ANTXR1: variants seen among roughly 807,000 people sequenced by gnomAD.
ANTXR1 encodes the protein anthrax toxin receptor 1.
A neutral mutation model predicts 78.1 loss-of-function variants in ANTXR1; 19 were observed. The observed-to-expected ratio is 0.24, with a 90% CI of 0.17 to 0.36. The LOEUF (loss-of-function observed/expected upper bound fraction) is 0.36. Among genes scored for constraint, ANTXR1 ranks in the 10% least tolerant of loss-of-function variants. The probability of loss-of-function intolerance (pLI) is 1.00; values close to 1 mark genes in which losing one functional copy is unlikely to be tolerated. For synonymous variants in ANTXR1, 273 were observed against 260.5 expected (o/e 1.05, Z -0.46); for missense variants, 518 against 718.6 (o/e 0.72, Z 3.19).
chr2:69,078,320 G>A (rs1251140836), intron 8 of ANTXR1, among the ~76,000 whole-genome samples: 1 of 152,220 alleles, frequency 6.6e-6, no homozygotes, highest in East Asian at 1.9e-4. Flanking sequence ...TGATCAGGCA[G>A]GCATCTGTGA....
At position 69,095,986 on chromosome 2, in the gene ANTXR1, C is replaced by T. The variant is rs59144672; in HGVS notation, c.703+5067C>T. ...CATCAAAAAGAATTCCAGCCGGGCA[C>T]GGTGGCTCACGCCTGTAATCCCAGC... On this transcript the variant is annotated intron_variant, in intron 9 of 17. Transcript: ENST00000303714. 3.0e-3 allele frequency among the ~76,000 whole-genome samples: 459 copies of T among 152,046 alleles called. 1 individual carries two copies. Among genetic ancestry groups the T allele is most frequent in the African/African-American group, 0.011 (439 of 41,452 alleles).
intron 3 of ANTXR1, among the ~76,000 whole-genome samples, chr2:69,059,562 T>A (rs1054622019): frequency 1.1e-4 from 16 of 152,092 alleles, no homozygotes; most frequent in African/African-American, 3.9e-4. Flanking sequence ...CACTGCAACC[T>A]CCGTCTCCCT....
At chr2:69,200,724 C>G (rs1558641277) in intron 17 of ANTXR1, among the ~76,000 whole-genome samples, 1 of 152,192 alleles carries the variant, frequency 6.6e-6, no homozygotes, top group East Asian at 1.9e-4. Flanking sequence ...TAGCAGAGGA[C>G]TAAACTCTGG....
intron 17 of ANTXR1, among the ~76,000 whole-genome samples, chr2:69,222,458 T>C (rs1198830566): frequency 1.3e-5 from 2 of 152,226 alleles, no homozygotes; most frequent in African/African-American, 4.8e-5. Flanking sequence ...ATTGTCTCCA[T>C]CTGCCCCCAC....
At chr2:69,209,626 C>G (rs1674990040) in intron 17 of ANTXR1, among the ~76,000 whole-genome samples, 1 of 152,190 alleles carries the variant, frequency 6.6e-6, no homozygotes. Flanking sequence ...AAAGCCCTCT[C>G]TAAAGAGGCG....
At chr2:69,182,746 A>G in intron 16 of ANTXR1, 86 bp downstream of exon 16, 1 of 1,574,594 alleles carries the variant, frequency 6.4e-7, no homozygotes, top group Non-Finnish European at 8.7e-7. Context: ...ACATGATAAA[A>G]TCCCAACCTA....
chr2:69,025,894 G>C (rs1343093429), intron 1 of ANTXR1, among the ~76,000 whole-genome samples: 1 of 152,162 alleles, frequency 6.6e-6, no homozygotes, highest in Non-Finnish European at 1.5e-5. Context: ...TGGTCATCCT[G>C]ATTATTAACT....
At chr2:69,167,988 T>A (rs1376905027) in intron 13 of ANTXR1, among the ~76,000 whole-genome samples, 1 of 152,224 alleles carries the variant, frequency 6.6e-6, no homozygotes, top group Non-Finnish European at 1.5e-5. Context: ...GTCTGAGTGT[T>A]GGGCCACCTA....
At chr2:69,064,968 A>T (rs1002456678) in intron 3 of ANTXR1, among the ~76,000 whole-genome samples, 4 of 152,228 alleles carry the variant, frequency 2.6e-5, no homozygotes, top group Non-Finnish European at 5.9e-5. Flanking sequence ...GAAAAAGTAA[A>T]AAGAACTTAT....
chr2:69,143,075 G>A (rs1332223707), intron 12 of ANTXR1, among the ~76,000 whole-genome samples: 3 of 152,172 alleles, frequency 2.0e-5, no homozygotes, highest in African/African-American at 7.2e-5. Flanking sequence ...AAGTTCATGG[G>A]CAGGCAAATC....
At chr2:69,189,401 T>A (rs1674499792) in intron 16 of ANTXR1, among the ~76,000 whole-genome samples, 1 of 152,180 alleles carries the variant, frequency 6.6e-6, no homozygotes, top group South Asian at 2.1e-4. Flanking sequence ...AAACTACAAA[T>A]GCAAAACCAG....
In ANTXR1 at chr2:69,031,730, T is replaced by C. The variant is rs79266256; in HGVS notation, c.153-8314T>C. On this transcript the variant is annotated intron_variant, in intron 1 of 17. Coordinates refer to ENST00000303714, the MANE Select transcript of ANTXR1 (RefSeq NM_032208.3). ...CCTCCTTATATTGTGATCTTAATCC[T>C]CCAAGTTTTGTTCTTTAACTGCTAA... 7.8e-3 allele frequency among the ~76,000 whole-genome samples: 1,181 copies of C among 152,354 alleles called. 14 individuals are homozygous for C. The highest frequency in any genetic ancestry group is 0.027 in the African/African-American group (1,106 of 41,588).
intron 8 of ANTXR1, among the ~76,000 whole-genome samples, chr2:69,082,017 G>T (rs1670913252): frequency 6.6e-6 from 1 of 152,230 alleles, no homozygotes; most frequent in Admixed American, 6.5e-5. Context: ...TGCCCACGAT[G>T]TGAATGCCCA....
At chr2:69,032,254 G>T (rs1671550410) in intron 1 of ANTXR1, among the ~76,000 whole-genome samples, 1 of 152,154 alleles carries the variant, frequency 6.6e-6, no homozygotes, top group Non-Finnish European at 1.5e-5. Flanking sequence ...TACACAAAGT[G>T]AAGATGCTTG....
At chr2:69,056,868 G>A (rs994774188) in intron 3 of ANTXR1, among the ~76,000 whole-genome samples, 20 of 151,854 alleles carry the variant, frequency 1.3e-4, no homozygotes, top group African/African-American at 4.4e-4. Context: ...TAGTAGAGAC[G>A]GGGTTTCACC....
At chr2:69,168,599 C>T (rs899831235) in intron 13 of ANTXR1, among the ~76,000 whole-genome samples, 10 of 152,166 alleles carry the variant, frequency 6.6e-5, no homozygotes, top group African/African-American at 2.4e-4. Context: ...CCTTCCCTAC[C>T]CCTGCCCCAG....
chr2:69,120,217 AC>A (rs1672296114), intron 10 of ANTXR1, among the ~76,000 whole-genome samples: 1 of 152,240 alleles, frequency 6.6e-6, no homozygotes, highest in Non-Finnish European at 1.5e-5. Flanking sequence ...TTAATATTAT[AC>A]TGAAAGTGAA....
chr2:69,130,350 G>C (rs1322546429), intron 12 of ANTXR1, among the ~76,000 whole-genome samples: 2 of 152,174 alleles, frequency 1.3e-5, no homozygotes, highest in East Asian at 3.9e-4. Flanking sequence ...CCTGACTGCA[G>C]TAGCAACAAG....
intron 10 of ANTXR1, among the ~76,000 whole-genome samples, chr2:69,120,549 T>A (rs1297626260): frequency 6.6e-6 from 1 of 152,022 alleles, no homozygotes; most frequent in East Asian, 1.9e-4. Context: ...GTGCCTATAA[T>A]CCCAGCTACT....
Sources: allele counts gnomAD v4.1 joint callset (sites outside exome capture counted in the v4.1 genomes callset), GRCh38; gene constraint gnomAD v4.1.1; transcripts MANE v1.5; gene names NCBI Gene and HGNC (gene_info 2026-07-23, HGNC 2026-07-21).